GPHN: variants seen among roughly 807,000 people sequenced by gnomAD.
The protein encoded by GPHN is gephyrin.
Under a neutral mutation model 95.5 loss-of-function variants are expected in GPHN, and 17 were observed. That is an observed-to-expected ratio of 0.18 (90% CI 0.12 to 0.27). GPHN has a LOEUF of 0.27. Among genes scored for constraint, GPHN ranks in the 10% least tolerant of loss-of-function variants. The probability of loss-of-function intolerance (pLI) is 1.00; values close to 1 mark genes in which losing one functional copy is unlikely to be tolerated. For synonymous variants in GPHN, 320 were observed against 322.5 expected (o/e 0.99, Z 0.08); for missense variants, 660 against 978.1 (o/e 0.67, Z 4.34).
At chr14:67,502,359 A>C in the GPHN span, among the ~76,000 whole-genome samples, 5 of 151,916 alleles carry the variant, frequency 3.3e-5, no homozygotes, top group Admixed American at 3.3e-4. Context: ...AAAAAAAAAG[A>C]AAAAAATGCA....
chr14:66,719,149 T>C (rs547582019), intron 2 of GPHN, among the ~76,000 whole-genome samples: 34 of 152,242 alleles, frequency 2.2e-4, no homozygotes, highest in South Asian at 1.0e-3. Flanking sequence ...TGAAAGAAAG[T>C]AGGGCTTTAA....
chr14:67,374,620 A>G, the GPHN span: 3 of 968,624 alleles, frequency 3.1e-6, no homozygotes, highest in Non-Finnish European at 4.7e-6. Context: ...TTAATTTCAT[A>G]CTGCTACTAC....
At chr14:67,611,444 T>C in the GPHN span, among the ~76,000 whole-genome samples, 2 of 151,816 alleles carry the variant, frequency 1.3e-5, no homozygotes, top group African/African-American at 4.8e-5. Flanking sequence ...TTTTTGTATT[T>C]TTAGTAGAGA....
chr14:66,908,400 T>C (rs1028798647), intron 5 of GPHN, among the ~76,000 whole-genome samples: 1 of 152,138 alleles, frequency 6.6e-6, no homozygotes, highest in Non-Finnish European at 1.5e-5. Context: ...AAGCAGTATC[T>C]TATTATAATC....
chr14:67,267,861 G>T, the GPHN span, among the ~76,000 whole-genome samples: 1,045 of 152,232 alleles, frequency 6.9e-3, 18 homozygotes, highest in African/African-American at 0.024. Flanking sequence ...GTCTGGCATT[G>T]TGTTTTTGAG....
At chr14:67,081,542 G>A (rs2076696657) in intron 11 of GPHN, among the ~76,000 whole-genome samples, 1 of 152,148 alleles carries the variant, frequency 6.6e-6, no homozygotes, top group Non-Finnish European at 1.5e-5. Context: ...CTCCCACTCT[G>A]TGGGTTGTCT....
chr14:67,561,376 C>A, the GPHN span, among the ~76,000 whole-genome samples: 2 of 152,184 alleles, frequency 1.3e-5, no homozygotes, highest in Non-Finnish European at 2.9e-5. Context: ...CATGGCAAAT[C>A]TCTGTCTCTA....
At chr14:67,485,824 G>A in the GPHN span, among the ~76,000 whole-genome samples, 9 of 152,214 alleles carry the variant, frequency 5.9e-5, no homozygotes, top group African/African-American at 1.9e-4. Flanking sequence ...AGCTTGTCTC[G>A]CTGAGGAGGA....
the GPHN span, chr14:67,204,713 C>A: frequency 1.2e-6 from 2 of 1,613,912 alleles, no homozygotes; most frequent in Non-Finnish European, 1.7e-6. Flanking sequence ...CAGGAGAAAG[C>A]CAAAGTTTCC....
chr14:67,620,830 T>C, the GPHN span: 1 of 1,559,866 alleles, frequency 6.4e-7, no homozygotes, highest in Non-Finnish European at 8.8e-7. Context: ...GAACTAAATG[T>C]ACCAAATGGG....
intron 21 of GPHN, among the ~76,000 whole-genome samples, chr14:67,175,072 T>C (rs138316352): frequency 0.011 from 1,665 of 152,334 alleles, 19 homozygotes; most frequent in Middle Eastern, 0.017. Context: ...GTAGAAGCTC[T>C]TTAGTTTAAT....
At chr14:66,546,157 A>T (rs2059586575) in intron 1 of GPHN, among the ~76,000 whole-genome samples, 1 of 149,882 alleles carries the variant, frequency 6.7e-6, no homozygotes. Context: ...GACGCTCCTC[A>T]CTTCCTAGAT....
intron 10 of GPHN, among the ~76,000 whole-genome samples, chr14:67,032,808 T>G (rs1051296723): frequency 4.6e-5 from 7 of 152,058 alleles, no homozygotes; most frequent in African/African-American, 1.7e-4. Flanking sequence ...TCTGTAAAGA[T>G]TGGGAGACAT....
At chr14:66,737,275 T>C (rs1321867544) in intron 2 of GPHN, among the ~76,000 whole-genome samples, 4 of 152,104 alleles carry the variant, frequency 2.6e-5, no homozygotes, top group African/African-American at 9.7e-5. Flanking sequence ...TTCGGGCTTT[T>C]GAGTGAATGG....
intron 9 of GPHN, among the ~76,000 whole-genome samples, chr14:66,968,341 A>T (rs775743534): frequency 2.6e-5 from 4 of 152,038 alleles, no homozygotes; most frequent in Non-Finnish European, 5.9e-5. Context: ...CATATGTGAG[A>T]CAACCAAGGA....
intron 1 of GPHN, among the ~76,000 whole-genome samples, chr14:66,553,191 A>G (rs1594937416): frequency 1.3e-5 from 2 of 152,094 alleles, no homozygotes; most frequent in East Asian, 3.9e-4. Flanking sequence ...GGGTTTTACC[A>G]CATTGGCCAG....
chr14:66,532,976 G>A (rs1594850290), intron 1 of GPHN, among the ~76,000 whole-genome samples: 1 of 152,152 alleles, frequency 6.6e-6, no homozygotes, highest in East Asian at 1.9e-4. Context: ...ATAGAGCTTA[G>A]GTTCTACAAA....
chr14:67,580,437 C>T, the GPHN span: 14 of 170,900 alleles, frequency 8.2e-5, no homozygotes, highest in Admixed American at 2.7e-4. Context: ...AGAATGTGCT[C>T]TAGCACTTTG....
the GPHN span, among the ~76,000 whole-genome samples, chr14:67,236,409 A>G: frequency 6.6e-6 from 1 of 152,090 alleles, no homozygotes; most frequent in Non-Finnish European, 1.5e-5. Context: ...ACTTATGTTC[A>G]TTCACCATGC....
Sources: gnomAD v4.1 joint callset for allele counts (sites outside exome capture counted in the v4.1 genomes callset) on GRCh38, gnomAD v4.1.1 for gene constraint, MANE v1.5 for transcripts, NCBI Gene and HGNC (gene_info 2026-07-23, HGNC 2026-07-21) for gene names.